The following TMC6 variants were observed in gnomAD, a reference collection of about 807,000 sequenced individuals.
TMC6 encodes the protein transmembrane channel-like protein 6.
TMC6 carries 71 observed loss-of-function variants against 95.4 expected under a neutral mutation model. That is an observed-to-expected ratio of 0.74 (90% CI 0.61 to 0.91). The LOEUF is 0.91. Ranked by LOEUF, TMC6 falls within the 40% of genes least tolerant of loss-of-function variation. The pLI, the probability that TMC6 is intolerant of heterozygous loss-of-function variation, is 0.00. For missense variants in TMC6, 1,074 were observed against 1,079.1 expected, an observed-to-expected ratio of 1.00 and a Z score of 0.07; for synonymous variants, 514 against 483.1, an observed-to-expected ratio of 1.06 and a Z score of -0.84.
intron 18 of TMC6, 100 bp from the exon 19 acceptor site, chr17:78,113,724 A>G: frequency 8.2e-7 from 1 of 1,223,828 alleles, no homozygotes; most frequent in South Asian, 1.2e-5. Flanking sequence ...CACGAGGTGT[A>G]TTCAACATCG....
chr17:78,117,834 G>A lies in TMC6; in HGVS notation c.1989C>T (p.Gly663=). ...LTLLCFPAFL[G]AAVFLCYAVW... ...CGGCGTAGCAGAGGAAGACAGCGGC[G>A]CCCAGGAAGGCGGGGAAGCAGAGCA... Residue 663 remains glycine (G), a synonymous_variant, in exon 16 of 20, where the codon GGC becomes GGT. Transcript: ENST00000590602. 2 of 1,607,744 alleles carry A rather than the reference G, an allele frequency of 1.2e-6. No individual in the cohort carries two copies. Among genetic ancestry groups the A allele is most frequent in the African/African-American group, 1.3e-5 (1 of 74,980 alleles).
upstream of TMC6, chr17:78,131,499 A>G: frequency 6.6e-7 from 1 of 1,512,192 alleles, no homozygotes; most frequent in Non-Finnish European, 8.9e-7. Context: ...CACAGAGGCC[A>G]TAGCCAAGGC....
chr17:78,115,492 C>T lies in TMC6; in HGVS notation c.2277+1777G>A, dbSNP rs985659908. ...TGGAAAAGCCACAGGACCTGCTTCACGGGGGGCCGTTCCCCAGGGGAGGGG... is the reference window on the plus strand; with the variant it reads ...TGGAAAAGCCACAGGACCTGCTTCATGGGGGGCCGTTCCCCAGGGGAGGGG... On this transcript the variant is annotated intron_variant, in intron 18 of 19. Transcript: ENST00000590602. Among the ~76,000 whole-genome samples the T allele has an allele frequency of 1.1e-4, 16 of 152,116 alleles. No individual in the cohort carries two copies. In the East Asian group the frequency reaches 1.9e-3, roughly 18 times the overall value.
In TMC6 at chr17:78,122,426, A is replaced by T; in HGVS notation, c.1227+179T>A. On this transcript the variant is annotated intron_variant, in intron 10 of 19. Transcript: ENST00000590602. This position sits in a 1 kb window ranked among gnomAD's most constrained non-coding sequence, Gnocchi z 4.9. ...ACTGATGGGTGTGTGCCAGAGAAAAACTCAGGGCCTGCCCGTCACTGCAAG... is the reference window on the plus strand; with the variant it reads ...ACTGATGGGTGTGTGCCAGAGAAAATCTCAGGGCCTGCCCGTCACTGCAAG... 1 of 907,702 alleles carries T rather than the reference A, an allele frequency of 1.1e-6. No homozygotes were observed. The highest frequency in any genetic ancestry group is 1.6e-6 in the Non-Finnish European group (1 of 613,598). The allele number at this position is 907,702 out of a possible 1,614,324, so 56.2% of individuals were successfully genotyped here.
chr17:78,118,882 C>G lies in TMC6; in HGVS notation c.1887+89G>C, dbSNP rs2748430. ...CCACTCCACTCAGGTGGGGAGGGTT[C>G]TAGTGTCCCAGGCTCTGCCCAGCTG... On this transcript the variant is annotated intron_variant, in intron 15 of 19. Coordinates refer to ENST00000590602, the MANE Select transcript of TMC6 (RefSeq NM_001127198.5). 639,510 of 1,412,930 alleles carry G rather than the reference C, an allele frequency of 0.45. 151,548 individuals carry two copies. The highest frequency in any genetic ancestry group is 0.72 in the African/African-American group (50,679 of 70,256). The allele number at this position is 1,412,930 out of a possible 1,614,324, so 87.5% of individuals were successfully genotyped here. A position where few individuals can be genotyped will look rare whatever the true frequency, so the allele number is the denominator to read the frequency against.
chr17:78,115,686 A>G (rs1598826375), intron 18 of TMC6, among the ~76,000 whole-genome samples: 1 of 78,096 alleles, frequency 1.3e-5, no homozygotes, highest in Non-Finnish European at 2.5e-5. Context: ...ACAGGGGCGA[A>G]GGGAGTGGGC....
At chr17:78,117,772 G>T in intron 16 of TMC6, 30 bp downstream of exon 16, 2 of 1,597,410 alleles carry the variant, frequency 1.3e-6, no homozygotes, top group South Asian at 1.1e-5. Context: ...AGATGACACA[G>T]AAGGGTCTCC....
chr17:78,113,446 C>T (rs2073894869), intron 19 of TMC6, 102 bp downstream of exon 19: 3 of 1,420,864 alleles, frequency 2.1e-6, no homozygotes, highest in African/African-American at 1.4e-5. Context: ...GGTCAAGTGT[C>T]AGCAATGTCG....
Position 78,120,700 on chromosome 17 carries a change from GT to G in TMC6, c.1667del (p.Asp556AlafsTer24). ...GQELYRFLVMDFVLMLLDTLF... is the reference protein window; with the variant it reads ...GQELYRFLVMXFVLMLLDTLF... ...GCGTGTCCAGCAACATGAGGACGAAGTCCATCACCAGGAACCGGTACAGCTC... is the reference window on the plus strand; with the variant it reads ...GCGTGTCCAGCAACATGAGGACGAAGCCATCACCAGGAACCGGTACAGCTC... On this transcript the variant is annotated frameshift_variant, in exon 13 of 20. Transcript: ENST00000590602. LOFTEE classifies it high-confidence loss of function. 6.2e-7 allele frequency: 1 copy of G among 1,614,038 alleles called. No individual in the cohort carries two copies.
Position 78,124,006 on chromosome 17 carries a change from G to A in TMC6, c.1065C>T (p.Cys355=), listed in dbSNP as rs1353954684. ...GGCATTACCTGTACACCAGGGTGAT[G>A]CAGGTGATAAAGAAGCTCACGCCCA... ...STVGVSFFIT[C]ITLVYSMAHS... The change falls in exon 9 of 20, where the codon TGC becomes TGT. Residue 355 remains cysteine, a synonymous_variant. Coordinates refer to ENST00000590602, the MANE Select transcript of TMC6 (RefSeq NM_001127198.5). 5.0e-6 allele frequency: 8 copies of A among 1,613,822 alleles called. No homozygotes were observed. Among genetic ancestry groups the A allele is most frequent in the Non-Finnish European group, 5.9e-6 (7 of 1,179,984 alleles).
chr17:78,115,704 C>T (rs2074061808), intron 18 of TMC6, among the ~76,000 whole-genome samples: 3 of 27,460 alleles, frequency 1.1e-4, no homozygotes, highest in Admixed American at 9.7e-4. Context: ...GGCACAGGGG[C>T]GAAGGGAGTG....
intron 15 of TMC6, among the ~76,000 whole-genome samples, chr17:78,118,673 A>G (rs2074256022): frequency 6.6e-6 from 1 of 152,236 alleles, no homozygotes; most frequent in African/African-American, 2.4e-5. Context: ...CCAGGGACCC[A>G]GAGGTCCCAA....
rs775536058 is a variant in TMC6 at position 78,113,537 on chromosome 17, C to G, written c.2354+11G>C. ...GCTCAGAGTGTCCCCAATCCCTCCA[C>G]GGACCCTCACCTGCTCCTCTCCTCC... is the stretch of plus-strand genomic sequence containing the variant. On this transcript the variant is annotated intron_variant, in intron 19 of 19. Coordinates refer to ENST00000590602, the MANE Select transcript of TMC6 (RefSeq NM_001127198.5). 2 of 1,613,718 alleles carry G rather than the reference C, an allele frequency of 1.2e-6. No homozygotes were observed. The highest frequency in any genetic ancestry group is 1.7e-6 in the Non-Finnish European group (2 of 1,179,890).
Position 78,126,047 on chromosome 17 carries a change from AC to A in TMC6, c.272-164del, listed in dbSNP as rs1598874520. The A allele has an allele frequency of 2.5e-6, 3 of 1,184,428 alleles. No homozygotes were observed. In the East Asian group the frequency reaches 7.7e-5, roughly 30 times the overall value. 73.4% of individuals were successfully genotyped at this position (1,184,428 alleles called of 1,614,324 possible). On this transcript the variant is annotated intron_variant, in intron 4 of 19. Transcript: ENST00000590602. ...CACTGCATTCCGAAAGCCTATTTTT[AC>A]CCCGTGATGACTCTGGAGTCATTTT...
rs1333593704 is a variant in TMC6 at position 78,118,972 on chromosome 17, T to C, written c.1886A>G (p.Lys629Arg). ...IKLLLVFYVK[K>R]TSLLANCQAP... ...CTCCCCAGGCCTTGGCAGCCTCACC[T>C]TCTTGACATAGAAGACGAGCAGCAG... Residue 629 changes from lysine (K) to arginine (R), a missense_variant and splice_region_variant, in exon 15 of 20, where the codon AAG (lysine) becomes AGG (arginine). Physicochemically the swap from Lys to Arg is conservative, Grantham distance 26. Transcript: ENST00000590602. 1 of 1,599,658 alleles carries C rather than the reference T, an allele frequency of 6.3e-7. No homozygotes were observed. The highest frequency in any genetic ancestry group is 8.5e-7 in the Non-Finnish European group (1 of 1,173,350).
chr17:78,127,748 C>A (rs549540584), intron 1 of TMC6, among the ~76,000 whole-genome samples: 1 of 152,370 alleles, frequency 6.6e-6, no homozygotes, highest in South Asian at 2.1e-4. Context: ...GGTTGAAGGG[C>A]GCTTTCCTCG....
chr17:78,120,937 G>C, intron 12 of TMC6, 76 bp downstream of exon 12: 1 of 1,612,350 alleles, frequency 6.2e-7, no homozygotes, highest in Non-Finnish European at 8.5e-7. Context: ...ATCCTAAGTA[G>C]GTTTGGATAC....
chr17:78,118,449 G>A (rs1427011638), intron 15 of TMC6, among the ~76,000 whole-genome samples: 2 of 152,182 alleles, frequency 1.3e-5, no homozygotes, highest in African/African-American at 2.4e-5. Flanking sequence ...CCAGCCACTC[G>A]GGAGGCTGAG....
In TMC6 at chr17:78,117,360, G is replaced by A. The variant is rs1347314220; in HGVS notation, c.2199-13C>T. The A allele has an allele frequency of 3.1e-6, 5 of 1,613,106 alleles. No homozygotes were observed. The highest frequency in any genetic ancestry group is 1.1e-5 in the South Asian group (1 of 91,074). On this transcript the variant is annotated splice_polypyrimidine_tract_variant and intron_variant, in intron 17 of 19. Transcript: ENST00000590602. ...GTAGATCACGGCCCTGCGGGAGAGG[G>A]GCTGTCGGGCAGGGCCCAGGGCCAC... is the stretch of plus-strand genomic sequence containing the variant.
Sources: allele counts gnomAD v4.1 joint callset (sites outside exome capture counted in the v4.1 genomes callset), GRCh38; gene constraint gnomAD v4.1.1; non-coding constraint Gnocchi (gnomAD v3.1); transcripts MANE v1.5; gene names NCBI Gene and HGNC (gene_info 2026-07-23, HGNC 2026-07-21).